The following LRRC71 variants were observed in gnomAD, a reference collection of about 807,000 sequenced individuals.
LRRC71 encodes the protein leucine-rich repeat-containing protein 71.
In LRRC71, 54 loss-of-function variants were observed where a neutral mutation model predicts 66.6. The ratio of observed to expected loss-of-function variants is 0.81; its 90% CI spans 0.65 to 1.02. The LOEUF (loss-of-function observed/expected upper bound fraction) is 1.02, where lower values mean the gene tolerates loss of function less well. Ranked by LOEUF, LRRC71 falls within the 50% of genes least tolerant of loss-of-function variation. The pLI is 0.00. For missense variants in LRRC71, 724 were observed against 718.0 expected (o/e 1.01, Z -0.10); for synonymous variants, 323 against 303.9 (o/e 1.06, Z -0.65).
chr1:156,929,525 G>T, intron 10 of LRRC71, 96 bp downstream of exon 10: 2 of 1,568,092 alleles, frequency 1.3e-6, no homozygotes, highest in Non-Finnish European at 8.7e-7. Context: ...GGCCACATGG[G>T]CCTTTGAAGT....
chr1:156,922,333 A>G (rs1652516186), intron 1 of LRRC71, among the ~76,000 whole-genome samples: 1 of 152,038 alleles, frequency 6.6e-6, no homozygotes, highest in Admixed American at 6.6e-5. Context: ...GAGGTAGGAG[A>G]GAATGGGAGT....
At chr1:156,924,313 G>C in intron 2 of LRRC71, 111 bp from the exon 3 acceptor site, 2 of 1,428,984 alleles carry the variant, frequency 1.4e-6, no homozygotes, top group South Asian at 2.8e-5. Flanking sequence ...TCCGCAGGCC[G>C]GCGCCTCCCC....
intron 14 of LRRC71, 45 bp downstream of exon 14, chr1:156,932,590 A>G (rs1480878812): frequency 6.2e-7 from 1 of 1,613,884 alleles, no homozygotes. Context: ...CGTTGCCCCT[A>G]TCAGCTGTCA....
chr1:156,931,985 T>C lies in LRRC71; in HGVS notation c.1399T>C (p.Phe467Leu), dbSNP rs369232288. Residue 467 changes from phenylalanine (F) to leucine (L), a missense_variant, in exon 13 of 15, where the codon TTC becomes CTC. By Grantham distance (22) the Phe-to-Leu change is conservative. Transcript: ENST00000337428. Reference protein sequence around the residue: ...EPVEHRDGKVFMPGNKVLLHL... With the variant: ...EPVEHRDGKVLMPGNKVLLHL... ...TGTGGAGCACCGAGATGGGAAAGTT[T>C]TCATGCCTGGGAACAAGGTCCTTTT... 2.9e-4 allele frequency: 469 copies of C among 1,601,454 alleles called. No individual in the cohort carries two copies. Among genetic ancestry groups the C allele is most frequent in the Non-Finnish European group, 3.8e-4 (446 of 1,173,910 alleles).
intron 1 of LRRC71, among the ~76,000 whole-genome samples, chr1:156,923,588 G>A (rs1003940335): frequency 6.6e-6 from 1 of 152,180 alleles, no homozygotes; most frequent in African/African-American, 2.4e-5. Context: ...AGCAGTTCCA[G>A]CAGGGAAGGA....
chr1:156,936,523 T>TATAA (rs1655349131), downstream of LRRC71, among the ~76,000 whole-genome samples: 4 of 126,546 alleles, frequency 3.2e-5, no homozygotes, highest in Admixed American at 1.6e-4. Context: ...TATATATATA[T>TATAA]ATAAAATTAA....
downstream of LRRC71, among the ~76,000 whole-genome samples, chr1:156,934,593 AT>A (rs1311226949): frequency 3.9e-5 from 6 of 151,986 alleles, no homozygotes; most frequent in African/African-American, 1.5e-4. Context: ...CTATATATAT[AT>A]CTGTGTGTGT....
At chr1:156,936,480 G>GAAAAAAAAA (rs35863393), downstream of LRRC71, among the ~76,000 whole-genome samples, 50 of 48,002 alleles carry the variant, frequency 1.0e-3, no homozygotes, top group African/African-American at 3.0e-3. Flanking sequence ...CAAATAAATA[G>GAAAAAAAAA]AAAAAAAAAA....
chr1:156,930,091 T>TTTTCTTTCTTTCTTTC (rs1557793297), intron 11 of LRRC71, among the ~76,000 whole-genome samples: 1 of 96,844 alleles, frequency 1.0e-5, no homozygotes, highest in African/African-American at 4.4e-5. Context: ...CTTTCTTTCT[T>TTTTCTTTCTTTCTTTC]TCTCTCTCTT....
chr1:156,924,684 T>C lies in LRRC71; in HGVS notation c.481T>C (p.Cys161Arg). Reference sequence around the variant, plus strand: ...ACGGATTCTGGGTGTCTTCTCTAAATGTCTGCCCCCGCTTACCCAGCTACA... The same window carrying C: ...ACGGATTCTGGGTGTCTTCTCTAAACGTCTGCCCCCGCTTACCCAGCTACA... ...EERILGVFSK[C>R]LPPLTQLQAI... Residue 161 changes from cysteine to arginine, a missense_variant, in exon 4 of 15, where the codon TGT becomes CGT. By Grantham distance (180) the Cys-to-Arg change is radical. Transcript: ENST00000337428. 1.3e-6 allele frequency: 2 copies of C among 1,551,206 alleles called. No individual in the cohort carries two copies. The highest frequency in any genetic ancestry group is 2.4e-5 in the South Asian group (2 of 84,030).
chr1:156,924,680 T>A lies in LRRC71; in HGVS notation c.477T>A (p.Ser159=). Reference sequence around the variant, plus strand: ...AGGAACGGATTCTGGGTGTCTTCTCTAAATGTCTGCCCCCGCTTACCCAGC... The same window carrying A: ...AGGAACGGATTCTGGGTGTCTTCTCAAAATGTCTGCCCCCGCTTACCCAGC... The part of the protein sequence containing the change: ...KVEERILGVF[S]KCLPPLTQLQ... The change falls in exon 4 of 15, where the codon TCT becomes TCA. Residue 159 remains serine, a synonymous_variant. Coordinates refer to ENST00000337428, the MANE Select transcript of LRRC71 (RefSeq NM_144702.3). 1 of 1,551,438 alleles carries A rather than the reference T, an allele frequency of 6.4e-7. No individual in the cohort carries two copies. The highest frequency in any genetic ancestry group is 8.7e-7 in the Non-Finnish European group (1 of 1,146,918).
In LRRC71 at chr1:156,928,363, C is replaced by CTCCTCTTCTTCT. The variant is rs1440279180; in HGVS notation, c.996+361_996+362insCTCTTCTTCTTC. 1.0e-4 allele frequency among the ~76,000 whole-genome samples: 10 copies of CTCCTCTTCTTCT among 98,820 alleles called. No homozygotes were observed. The South Asian group carries it at 1.2e-3, about 11-fold the overall frequency. The allele number at this position is 98,820 out of a possible 152,430, so 64.8% of individuals were successfully genotyped here. On this transcript the variant is annotated intron_variant, in intron 9 of 14. Coordinates refer to ENST00000337428, the MANE Select transcript of LRRC71 (RefSeq NM_144702.3). ...TTCTTCTTTCTTTCTCTTCTTCTTCCTCTTCTTCTTCTTCTTCTTCTTCTT... is the reference window on the plus strand; with the variant it reads ...TTCTTCTTTCTTTCTCTTCTTCTTCCTCCTCTTCTTCTTCTTCTTCTTCTTCTTCTTCTTCTT...
At position 156,927,603 on chromosome 1, in the gene LRRC71, T is replaced by A. The variant is rs771788444; in HGVS notation, c.770T>A (p.Leu257His). 2 of 1,601,086 alleles carry A rather than the reference T, an allele frequency of 1.2e-6. No individual in the cohort carries two copies. Among genetic ancestry groups the A allele is most frequent in the Non-Finnish European group, 1.7e-6 (2 of 1,173,664 alleles). Reference sequence around the variant, plus strand: ...AGCTGCAACCGGACCCTCGTCTCGCTCAACCTGGGTTTCAACCACATCGGT... The same window carrying A: ...AGCTGCAACCGGACCCTCGTCTCGCACAACCTGGGTTTCAACCACATCGGT... ...LHSCNRTLVS[L>H]NLGFNHIGDE... The change falls in exon 7 of 15, where the codon CTC becomes CAC. Residue 257 changes from leucine to histidine, a missense_variant. Transcript: ENST00000337428.
the LRRC71 span, chr1:156,939,364 A>T: frequency 1.3e-6 from 1 of 761,202 alleles, no homozygotes; most frequent in Middle Eastern, 3.8e-4. Flanking sequence ...TAAGCTCTGA[A>T]TCTCGAATGT....
Position 156,933,020 on chromosome 1 carries a change from T to TG in LRRC71, c.*52dup. Reference sequence around the variant, plus strand: ...GACTCGGGGCTACAGAAGCACCTCCTGTCCCTGTGTGGGGTGACCTCCCTG... The same window carrying TG: ...GACTCGGGGCTACAGAAGCACCTCCTGGTCCCTGTGTGGGGTGACCTCCCTG... On this transcript the variant is annotated 3_prime_UTR_variant, in exon 15 of 15. Coordinates refer to ENST00000337428, the MANE Select transcript of LRRC71 (RefSeq NM_144702.3). 1 of 1,379,392 alleles carries TG rather than the reference T, an allele frequency of 7.2e-7. No homozygotes were observed. The highest frequency in any genetic ancestry group is 1.3e-5 in the South Asian group (1 of 79,452). The allele number at this position is 1,379,392 out of a possible 1,614,324, so 85.4% of individuals were successfully genotyped here. A position where few individuals can be genotyped will look rare whatever the true frequency, so the allele number is the denominator to read the frequency against.
At chr1:156,924,826 G>A in intron 4 of LRRC71, 108 bp downstream of exon 4, 2 of 1,498,718 alleles carry the variant, frequency 1.3e-6, no homozygotes, top group Non-Finnish European at 1.8e-6. Flanking sequence ...ACGGTGGGGA[G>A]GTCGGGGGTG....
Position 156,925,008 on chromosome 1 carries a change from A to C in LRRC71, c.586A>C (p.Thr196Pro), listed in dbSNP as rs1247663527. ...FIELLPLCSS[T>P]LRKVSLEGNP... The stretch of plus-strand genomic sequence containing the variant: ...CGAGCTCCTGCCTCTCTGTTCATCC[A>C]CGCTCAGGTCAGCAGACTGGGAGGC... Residue 196 changes from threonine (T) to proline (P), a missense_variant, in exon 5 of 15, where the codon ACG (threonine) becomes CCG (proline). By Grantham distance (38) the Thr-to-Pro change is conservative. Coordinates refer to ENST00000337428, the MANE Select transcript of LRRC71 (RefSeq NM_144702.3). 3.9e-6 allele frequency: 6 copies of C among 1,551,514 alleles called. No homozygotes were observed. The highest frequency in any genetic ancestry group is 5.2e-6 in the Non-Finnish European group (6 of 1,146,982).
chr1:156,930,513 C>G lies in LRRC71; in HGVS notation c.1241-16C>G. 2 of 1,553,370 alleles carry G rather than the reference C, an allele frequency of 1.3e-6. No individual in the cohort carries two copies. The highest frequency in any genetic ancestry group is 1.7e-6 in the Non-Finnish European group (2 of 1,147,568). On this transcript the variant is annotated splice_polypyrimidine_tract_variant and intron_variant, in intron 11 of 14. Transcript: ENST00000337428. ...GAAGTGTGCACTGTGCATTCTGGCTCCTCTTCTGGCCCCAGAGGTAACCAT... is the reference window on the plus strand; with the variant it reads ...GAAGTGTGCACTGTGCATTCTGGCTGCTCTTCTGGCCCCAGAGGTAACCAT...
At chr1:156,930,364 A>T (rs1388895322) in intron 11 of LRRC71, among the ~76,000 whole-genome samples, 165 bp from the exon 12 acceptor site, 1 of 151,018 alleles carries the variant, frequency 6.6e-6, no homozygotes, top group Non-Finnish European at 1.5e-5. Context: ...AAGTGCTGGG[A>T]TTACAGGTGT....
Sources: gnomAD v4.1 joint callset for allele counts (sites outside exome capture counted in the v4.1 genomes callset) on GRCh38, gnomAD v4.1.1 for gene constraint, MANE v1.5 for transcripts, NCBI Gene and HGNC (gene_info 2026-07-23, HGNC 2026-07-21) for gene names.